Variants in ST3GAL3 observed in about 807,000 individuals in gnomAD.
ST3GAL3 encodes ST3 beta-galactoside alpha-2,3-sialyltransferase 3, also known as CMP-N-acetylneuraminate-beta-1,4-galactoside alpha-2,3-sialyltransferase.
A neutral mutation model predicts 50.1 loss-of-function variants in ST3GAL3; 21 were observed. That is an observed-to-expected ratio of 0.42 (90% CI 0.30 to 0.60). The LOEUF (loss-of-function observed/expected upper bound fraction) is 0.60, where lower values mean the gene tolerates loss of function less well. Among genes scored for constraint, ST3GAL3 ranks in the 20% least tolerant of loss-of-function variants. The probability of loss-of-function intolerance (pLI) is 0.19; values close to 1 mark genes in which losing one functional copy is unlikely to be tolerated. For synonymous variants in ST3GAL3, 183 were observed against 190.0 expected, an observed-to-expected ratio of 0.96 and a Z score of 0.30; for missense variants, 353 against 489.4, an observed-to-expected ratio of 0.72 and a Z score of 2.63.
intron 2 of ST3GAL3, among the ~76,000 whole-genome samples, chr1:43,745,721 T>A (rs1463733534): frequency 2.6e-5 from 4 of 152,238 alleles, no homozygotes; most frequent in Non-Finnish European, 5.9e-5. Context: ...CTCCGCCCTC[T>A]GGGTTGAAGC....
intron 1 of ST3GAL3, among the ~76,000 whole-genome samples, chr1:43,714,669 A>G (rs1002959851): frequency 6.6e-6 from 1 of 152,034 alleles, no homozygotes; most frequent in Non-Finnish European, 1.5e-5. Flanking sequence ...GCTATTCCCA[A>G]CCCTTGCTCA....
In ST3GAL3 at chr1:43,708,928, T is replaced by C. The variant is rs139143922; in HGVS notation, c.-31+1235T>C. On this transcript the variant is annotated intron_variant, in intron 1 of 11. Transcript: ENST00000347631. ...TCAAAACCATTTAAGATAAGAAACTTGCTCTAATGGGCCTATAATATACTT... is the reference window on the plus strand; with the variant it reads ...TCAAAACCATTTAAGATAAGAAACTCGCTCTAATGGGCCTATAATATACTT... Among the ~76,000 whole-genome samples the C allele has an allele frequency of 3.5e-3, 539 of 152,306 alleles. 17 individuals carry two copies. The East Asian group carries it at 0.073, about 21-fold the overall frequency.
At chr1:43,775,315 C>T (rs565825740) in intron 2 of ST3GAL3, among the ~76,000 whole-genome samples, 1 of 151,646 alleles carries the variant, frequency 6.6e-6, no homozygotes, top group African/African-American at 2.4e-5. Context: ...CTCACTGCAA[C>T]CTCTGCCTCC....
chr1:43,900,380 G>C (rs1294726939), intron 9 of ST3GAL3, among the ~76,000 whole-genome samples: 2 of 152,172 alleles, frequency 1.3e-5, no homozygotes, highest in Non-Finnish European at 2.9e-5. Flanking sequence ...GCAGGTAAGG[G>C]TCTGGGCCCA....
At chr1:43,884,349 T>C (rs2075636816) in intron 5 of ST3GAL3, among the ~76,000 whole-genome samples, 1 of 152,184 alleles carries the variant, frequency 6.6e-6, no homozygotes, top group Admixed American at 6.5e-5. Context: ...TGCTCTCCCA[T>C]AGGACCCATC....
chr1:43,746,541 C>A (rs1683747690), intron 2 of ST3GAL3, among the ~76,000 whole-genome samples: 1 of 150,404 alleles, frequency 6.6e-6, no homozygotes, highest in Non-Finnish European at 1.5e-5. Context: ...CGGCTCACTG[C>A]AAGCTCCGCC....
intron 5 of ST3GAL3, among the ~76,000 whole-genome samples, chr1:43,846,271 C>T (rs1187968347): frequency 6.6e-6 from 1 of 152,122 alleles, no homozygotes; most frequent in African/African-American, 2.4e-5. Context: ...TTTTGAAGCT[C>T]TGTCATTTGG....
chr1:43,882,036 G>T (rs2075232173), intron 5 of ST3GAL3, among the ~76,000 whole-genome samples: 2 of 152,336 alleles, frequency 1.3e-5, no homozygotes, highest in South Asian at 2.1e-4. Flanking sequence ...AAGCCGGGGG[G>T]TGCTACACAG....
At chr1:43,765,803 CCGCGCGTCCGCGTG>C (rs1175744057) in intron 2 of ST3GAL3, among the ~76,000 whole-genome samples, 97 of 137,948 alleles carry the variant, frequency 7.0e-4, no homozygotes, top group African/African-American at 2.8e-3. Flanking sequence ...GCGCGCGCGT[CCGCGCGTCCGCGTG>C]CGCTTTTTTT....
intron 2 of ST3GAL3, among the ~76,000 whole-genome samples, chr1:43,749,159 TAAGG>T (rs1304365352): frequency 1.3e-5 from 2 of 152,124 alleles, no homozygotes; most frequent in Non-Finnish European, 2.9e-5. Context: ...TATAGAAAAA[TAAGG>T]AACCACAATT....
intron 2 of ST3GAL3, among the ~76,000 whole-genome samples, chr1:43,759,751 T>TAA (rs1434423331): frequency 3.9e-5 from 6 of 152,208 alleles, no homozygotes; most frequent in Admixed American, 3.3e-4. Context: ...TAGTTGTCAT[T>TAA]ATATTTCTCA....
chr1:43,796,310 A>AG (rs2058678642), intron 3 of ST3GAL3, among the ~76,000 whole-genome samples: 1 of 152,266 alleles, frequency 6.6e-6, no homozygotes, highest in South Asian at 2.1e-4. Flanking sequence ...AGGCCCAGGA[A>AG]GGGGAGTCAC....
intron 4 of ST3GAL3, among the ~76,000 whole-genome samples, chr1:43,833,105 A>C (rs2063766179): frequency 1.3e-5 from 2 of 152,166 alleles, no homozygotes; most frequent in South Asian, 4.1e-4. Context: ...CCTCTCTGAG[A>C]TGGTTCTAGA....
chr1:43,766,242 T>C (rs943001729), intron 2 of ST3GAL3, among the ~76,000 whole-genome samples: 5 of 152,134 alleles, frequency 3.3e-5, no homozygotes, highest in African/African-American at 7.2e-5. Flanking sequence ...TACTGCTGAC[T>C]GACAGCTTGT....
intron 4 of ST3GAL3, among the ~76,000 whole-genome samples, chr1:43,820,135 G>C (rs181540960): frequency 1.4e-3 from 207 of 152,102 alleles, no homozygotes; most frequent in African/African-American, 4.7e-3. Context: ...ACATAATAGA[G>C]AACCCAGAAA....
At chr1:43,925,481 A>G (rs2083762996) in intron 11 of ST3GAL3, among the ~76,000 whole-genome samples, 1 of 152,126 alleles carries the variant, frequency 6.6e-6, no homozygotes, top group Non-Finnish European at 1.5e-5. Flanking sequence ...CGTAGTAAGC[A>G]CTCAGAAATC....
chr1:43,879,417 C>T (rs2074712703), intron 5 of ST3GAL3: 2 of 456,170 alleles, frequency 4.4e-6, no homozygotes, highest in Non-Finnish European at 4.4e-6. Context: ...AGAATGGACT[C>T]TGAGAGAAAG....
intron 4 of ST3GAL3, among the ~76,000 whole-genome samples, chr1:43,823,480 T>C (rs2062376930): frequency 6.6e-6 from 1 of 152,208 alleles, no homozygotes; most frequent in South Asian, 2.1e-4. Context: ...GCGCACTCTC[T>C]TGCCTTTTTA....
At chr1:43,830,649 G>A (rs1192010464) in intron 4 of ST3GAL3, among the ~76,000 whole-genome samples, 1 of 152,166 alleles carries the variant, frequency 6.6e-6, no homozygotes, top group Non-Finnish European at 1.5e-5. Flanking sequence ...ATTTGACTGT[G>A]ATTTTAACTA....
Sources: allele counts gnomAD v4.1 joint callset (sites outside exome capture counted in the v4.1 genomes callset), GRCh38; gene constraint gnomAD v4.1.1; transcripts MANE v1.5; gene names NCBI Gene and HGNC (gene_info 2026-07-23, HGNC 2026-07-21).